AMBRA1: variants seen among roughly 807,000 people sequenced by gnomAD.
The protein encoded by AMBRA1 is activating molecule in BECN1-regulated autophagy protein 1.
In AMBRA1, 47 loss-of-function variants were observed where a neutral mutation model predicts 125.4. The ratio of observed to expected loss-of-function variants is 0.37; its 90% CI spans 0.30 to 0.48. The LOEUF (loss-of-function observed/expected upper bound fraction) is 0.48, where lower values mean the gene tolerates loss of function less well. AMBRA1 is among the 20% of genes least tolerant of loss of function. The pLI, the probability that AMBRA1 is intolerant of heterozygous loss-of-function variation, is 0.99. For synonymous variants in AMBRA1, 626 were observed against 655.5 expected (o/e 0.95, Z 0.69); for missense variants, 1,331 against 1,693.4 (o/e 0.79, Z 3.76).
chr11:46,558,826 A>G (rs918895579), intron 1 of AMBRA1, among the ~76,000 whole-genome samples: 3 of 152,224 alleles, frequency 2.0e-5, no homozygotes, highest in Non-Finnish European at 4.4e-5. Flanking sequence ...TAGTCCCAGT[A>G]CCTAGCACAA....
At chr11:46,530,292 T>G (rs949878882) in intron 7 of AMBRA1, among the ~76,000 whole-genome samples, 37 of 149,432 alleles carry the variant, frequency 2.5e-4, no homozygotes, top group Admixed American at 2.5e-3. Flanking sequence ...CAGCACGCTC[T>G]ACACCATTCA....
At chr11:46,582,606 G>A (rs1225906944) in intron 1 of AMBRA1, among the ~76,000 whole-genome samples, 1 of 152,168 alleles carries the variant, frequency 6.6e-6, no homozygotes, top group Non-Finnish European at 1.5e-5. Context: ...AGGGGAATGT[G>A]GAGCCAGGTT....
chr11:46,484,027 T>G (rs1420284381), intron 11 of AMBRA1, among the ~76,000 whole-genome samples: 1 of 152,192 alleles, frequency 6.6e-6, no homozygotes, highest in Non-Finnish European at 1.5e-5. Context: ...TCCAAGTCTC[T>G]TTACTCACCC....
intron 7 of AMBRA1, among the ~76,000 whole-genome samples, chr11:46,531,134 C>T (rs568561701): frequency 5.5e-4 from 84 of 152,206 alleles, no homozygotes; most frequent in African/African-American, 1.8e-3. Context: ...CCACCTGCCT[C>T]GGCCTCCCAA....
intron 12 of AMBRA1, among the ~76,000 whole-genome samples, chr11:46,443,089 G>A (rs1279062916): frequency 6.6e-6 from 1 of 152,212 alleles, no homozygotes; most frequent in Admixed American, 6.5e-5. Context: ...ACAATGTAAG[G>A]TACTGAAGTA....
chr11:46,527,331 T>C (rs1427021468), intron 7 of AMBRA1, among the ~76,000 whole-genome samples: 3 of 151,464 alleles, frequency 2.0e-5, no homozygotes, highest in Non-Finnish European at 4.4e-5. Flanking sequence ...AATACAAAAA[T>C]TAGCCAGGCA....
At chr11:46,399,655 G>A (rs1449830787) in intron 17 of AMBRA1, among the ~76,000 whole-genome samples, 3 of 152,188 alleles carry the variant, frequency 2.0e-5, no homozygotes, top group African/African-American at 7.2e-5. Context: ...GTGAGCCACC[G>A]TGCCTGGTCA....
chr11:46,407,279 C>T (rs758642525), intron 17 of AMBRA1, among the ~76,000 whole-genome samples: 13 of 152,318 alleles, frequency 8.5e-5, no homozygotes, highest in Non-Finnish European at 1.2e-4. Flanking sequence ...CCAAATCCCT[C>T]TCGCTGTCAG....
At chr11:46,571,051 T>C (rs1346387186) in intron 1 of AMBRA1, among the ~76,000 whole-genome samples, 1 of 152,222 alleles carries the variant, frequency 6.6e-6, no homozygotes, top group Non-Finnish European at 1.5e-5. Flanking sequence ...GTGGCATGGT[T>C]TGAAAACTCC....
intron 16 of AMBRA1, 60 bp from the exon 17 acceptor site, chr11:46,408,766 C>A: frequency 7.0e-7 from 1 of 1,438,758 alleles, no homozygotes; most frequent in South Asian, 1.5e-5. Context: ...CCTCACAGCA[C>A]TCTGCTGGCT....
chr11:46,579,082 T>TAA (rs1371141312), intron 1 of AMBRA1, among the ~76,000 whole-genome samples: 1 of 146,270 alleles, frequency 6.8e-6, no homozygotes, highest in Non-Finnish European at 1.5e-5. Context: ...GAATGAACTT[T>TAA]AAAAGCCAGT....
At chr11:46,423,390 T>C (rs925971411) in intron 14 of AMBRA1, among the ~76,000 whole-genome samples, 2 of 152,016 alleles carry the variant, frequency 1.3e-5, no homozygotes, top group African/African-American at 4.8e-5. Flanking sequence ...ATTTTTATTA[T>C]TTTATTTTTT....
chr11:46,429,015 T>C (rs938929324), intron 14 of AMBRA1: 20 of 1,611,958 alleles, frequency 1.2e-5, no homozygotes, highest in South Asian at 2.2e-5. Flanking sequence ...ATGGCCTTCA[T>C]GACATGAAGG....
Position 46,542,701 on chromosome 11 carries a change from C to A in AMBRA1, c.1316G>T (p.Arg439Ile). 6.2e-7 allele frequency: 1 copy of A among 1,614,168 alleles called. No individual in the cohort carries two copies. Among genetic ancestry groups the A allele is most frequent in the East Asian group, 2.2e-5 (1 of 44,874 alleles). Residue 439 changes from arginine to isoleucine, a missense_variant, in exon 7 of 18, where the codon AGA becomes ATA. Arg to Ile is a moderately conservative substitution (Grantham distance 97). Around this residue, in one of 4 missense-constraint regions of AMBRA1, gnomAD observed 689 missense variants for 776.5 expected, o/e 0.89. Coordinates refer to ENST00000683756, the MANE Select transcript of AMBRA1 (RefSeq NM_001387011.1). The surrounding 1 kb of genome is among the most constrained non-coding windows in gnomAD (Gnocchi z 5.9). ...RSEAESMPPP[R>I]TSASSVSLLS... Reference sequence around the variant, plus strand: ...CAAACTCACCGAAGAGGCACTGGTTCTGGGCGGGGGCATGGATTCCGCCTC... The same window carrying A: ...CAAACTCACCGAAGAGGCACTGGTTATGGGCGGGGGCATGGATTCCGCCTC...
chr11:46,415,257 C>A (rs977676424), intron 15 of AMBRA1, among the ~76,000 whole-genome samples: 2 of 152,228 alleles, frequency 1.3e-5, no homozygotes, highest in Non-Finnish European at 2.9e-5. Context: ...GACATGAATG[C>A]GCTCACTGAT....
At chr11:46,405,702 A>C (rs1298896816) in intron 17 of AMBRA1, among the ~76,000 whole-genome samples, 1 of 151,944 alleles carries the variant, frequency 6.6e-6, no homozygotes, top group Non-Finnish European at 1.5e-5. Flanking sequence ...CTCCAGCCTG[A>C]GTGACAGAGT....
chr11:46,592,872 G>C (rs1225985962), intron 1 of AMBRA1, among the ~76,000 whole-genome samples: 1 of 152,042 alleles, frequency 6.6e-6, no homozygotes, highest in Admixed American at 6.6e-5. Flanking sequence ...TCCTCTACTA[G>C]ACTCTAACCT....
intron 7 of AMBRA1, among the ~76,000 whole-genome samples, chr11:46,523,782 C>T (rs1244197286): frequency 6.6e-6 from 1 of 152,160 alleles, no homozygotes; most frequent in Non-Finnish European, 1.5e-5. Context: ...GACACAAGAC[C>T]ACCAGAACCA....
intron 8 of AMBRA1, among the ~76,000 whole-genome samples, chr11:46,509,910 T>C (rs377349516): frequency 8.5e-5 from 13 of 152,160 alleles, no homozygotes; most frequent in Admixed American, 1.3e-4. Flanking sequence ...CAGGAATAGT[T>C]ATATCCAAAT....
Sources: gnomAD v4.1 joint callset for allele counts (sites outside exome capture counted in the v4.1 genomes callset) on GRCh38, gnomAD v4.1.1 for gene constraint, gnomAD v4.1.1 regional missense constraint, Gnocchi (gnomAD v3.1) non-coding constraint, MANE v1.5 for transcripts, NCBI Gene and HGNC (gene_info 2026-07-23, HGNC 2026-07-21) for gene names.